THSD4: variants seen among roughly 807,000 people sequenced by gnomAD.
THSD4 encodes thrombospondin type 1 domain containing 4, also known as thrombospondin type-1 domain-containing protein 4.
Under a neutral mutation model 119.0 loss-of-function variants are expected in THSD4, and 69 were observed. The observed-to-expected ratio is 0.58, with a 90% CI of 0.48 to 0.71. The LOEUF (loss-of-function observed/expected upper bound fraction) is 0.71, where lower values mean the gene tolerates loss of function less well. Ranked by LOEUF, THSD4 falls within the 30% of genes least tolerant of loss-of-function variation. THSD4 has a pLI of 0.00. For missense variants in THSD4, 1,393 were observed against 1,391.1 expected, an observed-to-expected ratio of 1.00 and a Z score of -0.02; for synonymous variants, 524 against 540.4, an observed-to-expected ratio of 0.97 and a Z score of 0.42.
chr15:71,113,372 AT>A (rs1454268264), upstream of THSD4, among the ~76,000 whole-genome samples: 4 of 152,222 alleles, frequency 2.6e-5, no homozygotes, highest in African/African-American at 9.6e-5. Context: ...TACTTTGGTT[AT>A]GTCGGATGTT....
intron 6 of THSD4, among the ~76,000 whole-genome samples, chr15:71,372,714 C>T (rs1187127758): frequency 6.6e-6 from 1 of 152,268 alleles, no homozygotes; most frequent in Non-Finnish European, 1.5e-5. Context: ...AGTTAGGCTA[C>T]TCGGGGGTCA....
rs200551268 is a variant in THSD4, at chr15:71,486,212, A to AC, written c.1152+74391dup. ...GGTATCCATCTTCCTTCAAAATCAA[A>AC]CCTTCCTCGATCCTCTTCTGCCTCA... On this transcript the variant is annotated intron_variant, in intron 7 of 17. Transcript: ENST00000261862. 1.3e-3 allele frequency among the ~76,000 whole-genome samples: 197 copies of AC among 151,962 alleles called. 3 individuals are homozygous for AC. The East Asian group carries it at 0.029, about 22-fold the overall frequency.
At chr15:71,539,777 C>T (rs894311471) in intron 7 of THSD4, among the ~76,000 whole-genome samples, 7 of 152,160 alleles carry the variant, frequency 4.6e-5, no homozygotes, top group Non-Finnish European at 8.8e-5. Flanking sequence ...TGCTATAAAG[C>T]CCTCCTTTGC....
chr15:71,393,961 G>A (rs1046200605), intron 6 of THSD4, among the ~76,000 whole-genome samples: 2 of 152,162 alleles, frequency 1.3e-5, no homozygotes, highest in African/African-American at 4.8e-5. Context: ...AAGACCCATT[G>A]TAGTTAAGAA....
chr15:71,294,303 C>A (rs1347012203), intron 6 of THSD4, among the ~76,000 whole-genome samples: 3 of 152,102 alleles, frequency 2.0e-5, no homozygotes, highest in African/African-American at 4.8e-5. Context: ...ACCAGGAGTC[C>A]CTGTGAATGA....
chr15:71,659,878 C>T (rs1296657541), intron 7 of THSD4, among the ~76,000 whole-genome samples: 2 of 152,238 alleles, frequency 1.3e-5, no homozygotes, highest in East Asian at 3.9e-4. Context: ...GAGACCAGCT[C>T]TACAGACAGC....
At chr15:71,351,464 G>C (rs7179963) in intron 6 of THSD4, among the ~76,000 whole-genome samples, 28,564 of 152,140 alleles carry the variant, frequency 0.19, 3,510 homozygotes, top group East Asian at 0.54. Context: ...ATTTTACTCT[G>C]GTTTTTCCTC....
upstream of THSD4, among the ~76,000 whole-genome samples, chr15:71,113,035 A>G (rs12438393): frequency 3.3e-5 from 5 of 152,150 alleles, no homozygotes; most frequent in Admixed American, 3.3e-4. Flanking sequence ...AAAATGAAAA[A>G]AAAATTAGTC....
At chr15:71,701,035 T>G (rs1409278318) in intron 8 of THSD4, among the ~76,000 whole-genome samples, 1 of 152,140 alleles carries the variant, frequency 6.6e-6, no homozygotes, top group Non-Finnish European at 1.5e-5. Flanking sequence ...ACAAATCTGA[T>G]TTAATAAGAA....
chr15:71,757,554 C>CCGAGTAGTTGGGATTACAGGTGCACA (rs1555449798), intron 14 of THSD4, among the ~76,000 whole-genome samples: 73 of 151,944 alleles, frequency 4.8e-4, no homozygotes, highest in East Asian at 1.3e-3. Context: ...CTTCAGCCTC[C>CCGAGTAGTTGGGATTACAGGTGCACA]CAAAGCTCTG....
chr15:71,379,854 G>T (rs2046205370), intron 6 of THSD4, among the ~76,000 whole-genome samples: 1 of 151,960 alleles, frequency 6.6e-6, no homozygotes, highest in African/African-American at 2.4e-5. Context: ...AAATTTAACA[G>T]AATTTAATTG....
At chr15:71,295,412 C>T (rs556613285) in intron 6 of THSD4, among the ~76,000 whole-genome samples, 103 of 152,182 alleles carry the variant, frequency 6.8e-4, no homozygotes, top group African/African-American at 2.3e-3. Context: ...CAGCTTCCTG[C>T]GAGTTAAGGG....
chr15:71,355,946 C>A (rs564864190), intron 6 of THSD4, among the ~76,000 whole-genome samples: 64 of 152,264 alleles, frequency 4.2e-4, no homozygotes, highest in African/African-American at 1.4e-3. Flanking sequence ...TGGCTCACTG[C>A]AACCTCTGCC....
intron 7 of THSD4, among the ~76,000 whole-genome samples, chr15:71,473,846 A>G (rs1400277859): frequency 6.6e-6 from 1 of 152,250 alleles, no homozygotes; most frequent in African/African-American, 2.4e-5. Flanking sequence ...GGAAGTGACC[A>G]GCATAGTCAG....
intron 7 of THSD4, among the ~76,000 whole-genome samples, chr15:71,449,918 A>C (rs1326278979): frequency 6.6e-6 from 1 of 152,202 alleles, no homozygotes; most frequent in Admixed American, 6.5e-5. Flanking sequence ...TGTAGACAGG[A>C]ACAAAAAACT....
In THSD4 at chr15:71,365,347, G is replaced by A. The variant is rs535932967; in HGVS notation, c.1016-46340G>A. On this transcript the variant is annotated intron_variant, in intron 6 of 17. Coordinates refer to ENST00000261862, the MANE Select transcript of THSD4 (RefSeq NM_024817.3). The stretch of plus-strand genomic sequence containing the variant: ...CTCTACCCTTCCTGTCACTGTTGCT[G>A]ATGTAACAGTAACAAAGCCACCAAA... Among the ~76,000 whole-genome samples, 3 of 152,208 alleles carry A rather than the reference G, an allele frequency of 2.0e-5. No individual in the cohort carries two copies. In the South Asian group the frequency reaches 6.2e-4, roughly 32 times the overall value.
chr15:71,608,237 AATAT>A (rs1555431559), intron 7 of THSD4, among the ~76,000 whole-genome samples: 52 of 111,572 alleles, frequency 4.7e-4, no homozygotes, highest in South Asian at 1.4e-3. Context: ...AAAAAAAAAA[AATAT>A]ATATATATAC....
intron 6 of THSD4, among the ~76,000 whole-genome samples, chr15:71,386,459 A>G (rs2165488): frequency 0.47 from 71,401 of 152,040 alleles, 17,169 homozygotes; most frequent in Middle Eastern, 0.65. Context: ...TGCTGCAAAT[A>G]CCATGACAAT....
chr15:71,390,486 T>G (rs1215865797), intron 6 of THSD4, among the ~76,000 whole-genome samples: 1 of 152,232 alleles, frequency 6.6e-6, no homozygotes, highest in Non-Finnish European at 1.5e-5. Context: ...TTCCTTTACA[T>G]AAGTCTACAG....
Sources: allele counts gnomAD v4.1 joint callset (sites outside exome capture counted in the v4.1 genomes callset), GRCh38; gene constraint gnomAD v4.1.1; transcripts MANE v1.5; gene names NCBI Gene and HGNC (gene_info 2026-07-23, HGNC 2026-07-21).